TMEM87A: variants seen among roughly 807,000 people sequenced by gnomAD.
TMEM87A encodes Golgi-pH regulating cation channel.
TMEM87A carries 50 observed loss-of-function variants against 90.0 expected under a neutral mutation model. The ratio of observed to expected loss-of-function variants is 0.56; its 90% CI spans 0.44 to 0.70. TMEM87A has a LOEUF of 0.70. TMEM87A is among the 30% of genes least tolerant of loss of function. The pLI is 0.00. For missense variants in TMEM87A, 577 were observed against 660.5 expected (o/e 0.87, Z 1.39); for synonymous variants, 226 against 226.7 (o/e 1.00, Z 0.03).
In TMEM87A at chr15:42,228,788, T is replaced by C; in HGVS notation, c.1164A>G (p.Leu388=). 3 of 1,605,478 alleles carry C rather than the reference T, an allele frequency of 1.9e-6. No individual in the cohort carries two copies. Among genetic ancestry groups the C allele is most frequent in the South Asian group, 2.2e-5 (2 of 89,022 alleles). The change falls in exon 13 of 20, where the codon CTA becomes CTG. Residue 388 remains leucine, a synonymous_variant. Coordinates refer to ENST00000389834, the MANE Select transcript of TMEM87A (RefSeq NM_015497.5). Reference sequence around the variant, plus strand: ...TTACAATGTTCCTCCGAAGTTTTAATAGCTTCATTGTTTGAGTCAGGCTAA... The same window carrying C: ...TTACAATGTTCCTCCGAAGTTTTAACAGCTTCATTGTTTGAGTCAGGCTAA... The part of the protein sequence containing the change: ...IFISLTQTMK[L]LKLRRNIVKL...
chr15:42,237,694 CTTTTT>C (rs66512609), intron 8 of TMEM87A, 79 bp from the exon 9 acceptor site: 2 of 789,052 alleles, frequency 2.5e-6, no homozygotes, highest in African/African-American at 1.9e-5. Flanking sequence ...TCAATATATA[CTTTTT>C]TTTTTTTTTT....
intron 2 of TMEM87A, 125 bp downstream of exon 2, chr15:42,271,937 TA>T: frequency 1.3e-6 from 1 of 773,622 alleles, no homozygotes; most frequent in Non-Finnish European, 2.0e-6. Flanking sequence ...TTAGTAATAC[TA>T]AAAATATTTA....
Position 42,211,961 on chromosome 15 carries a change from C to T in TMEM87A, c.1627-212G>A, listed in dbSNP as rs148614920. 6.3e-3 allele frequency among the ~76,000 whole-genome samples: 966 copies of T among 152,252 alleles called. 28 individuals carry two copies. The highest frequency in any genetic ancestry group is 4.0e-3 in the Non-Finnish European group (269 of 68,016). ...CAACTAAATCAAAAGCTCTAGGCTT[C>T]TGGACAGAAAATCAGCACTCAGAAG... On this transcript the variant is annotated intron_variant, in intron 19 of 19. Coordinates refer to ENST00000389834, the MANE Select transcript of TMEM87A (RefSeq NM_015497.5).
chr15:42,261,279 A>T, intron 4 of TMEM87A, 30 bp from the exon 5 acceptor site: 2 of 1,595,184 alleles, frequency 1.3e-6, no homozygotes, highest in Non-Finnish European at 1.7e-6. Context: ...CAAAACATTA[A>T]AGGTGTGTAA....
In TMEM87A at chr15:42,211,463, G is replaced by A; in HGVS notation, c.*245C>T. On this transcript the variant is annotated 3_prime_UTR_variant, in exon 20 of 20. Transcript: ENST00000389834. ...TGCATGAACATCCATGTCAGAGTCT[G>A]GGAGGAAAGGGGGCAGCAGTGTTGT... 1 of 413,660 alleles carries A rather than the reference G, an allele frequency of 2.4e-6. No individual in the cohort carries two copies. The highest frequency in any genetic ancestry group is 4.3e-6 in the Non-Finnish European group (1 of 230,420). The allele number at this position is 413,660 out of a possible 1,614,324, so 25.6% of individuals were successfully genotyped here. A position where few individuals can be genotyped will look rare whatever the true frequency, so the allele number is the denominator to read the frequency against.
At chr15:42,254,330 T>A (rs2051138365) in intron 6 of TMEM87A, among the ~76,000 whole-genome samples, 3 of 152,226 alleles carry the variant, frequency 2.0e-5, no homozygotes, top group Admixed American at 2.0e-4. Context: ...ACTCTTACCA[T>A]ACAATCTAGC....
chr15:42,251,321 G>A (rs2051081404), intron 6 of TMEM87A, among the ~76,000 whole-genome samples: 1 of 152,196 alleles, frequency 6.6e-6, no homozygotes, highest in South Asian at 2.1e-4. Flanking sequence ...GAGAAGAGAT[G>A]CTGTGGTTTT....
intron 14 of TMEM87A, 188 bp from the exon 15 acceptor site, chr15:42,227,097 A>T (rs2050609621): frequency 1.7e-6 from 1 of 575,156 alleles, no homozygotes. Context: ...TTGCCCTTGT[A>T]GTGCTTACTG....
At chr15:42,247,927 G>A (rs1595733345) in intron 6 of TMEM87A, among the ~76,000 whole-genome samples, 1 of 152,150 alleles carries the variant, frequency 6.6e-6, no homozygotes, top group Non-Finnish European at 1.5e-5. Context: ...AGCATGGAAT[G>A]TTCTTCCATT....
chr15:42,212,841 T>C (rs529569044), intron 19 of TMEM87A, among the ~76,000 whole-genome samples: 3 of 152,292 alleles, frequency 2.0e-5, no homozygotes, highest in African/African-American at 7.2e-5. Flanking sequence ...ATCATGTAAA[T>C]TGTTTCTCCT....
intron 19 of TMEM87A, among the ~76,000 whole-genome samples, chr15:42,215,447 G>A (rs546665897): frequency 1.3e-5 from 2 of 152,326 alleles, no homozygotes; most frequent in South Asian, 4.1e-4. Flanking sequence ...TGGGACCACT[G>A]TCATATATGT....
intron 13 of TMEM87A, among the ~76,000 whole-genome samples, 184 bp downstream of exon 13, chr15:42,228,528 A>T (rs1262706781): frequency 6.6e-6 from 1 of 152,240 alleles, no homozygotes; most frequent in Non-Finnish European, 1.5e-5. Flanking sequence ...GCTACTGTAC[A>T]TAAAATAAAT....
Position 42,219,557 on chromosome 15 carries a change from GACAAAT to G in TMEM87A, c.1539+18_1539+23del. The G allele has an allele frequency of 6.4e-7, 1 of 1,570,680 alleles. No individual in the cohort carries two copies. Among genetic ancestry groups the G allele is most frequent in the South Asian group, 1.2e-5 (1 of 85,306 alleles). On this transcript the variant is annotated intron_variant, in intron 17 of 19. Transcript: ENST00000389834. ...GTTGGAAGATGGGACAAAGAACAAAGACAAATGGAAAAGTCATACTTACTGCTTTGT... is the reference window on the plus strand; with the variant it reads ...GTTGGAAGATGGGACAAAGAACAAAGGGAAAAGTCATACTTACTGCTTTGT...
At chr15:42,256,806 C>A (rs2051193243) in intron 6 of TMEM87A, among the ~76,000 whole-genome samples, 2 of 152,284 alleles carry the variant, frequency 1.3e-5, no homozygotes, top group African/African-American at 4.8e-5. Flanking sequence ...CAACCTCTGC[C>A]TCCCAGACTC....
chr15:42,268,972 T>C (rs78685235), intron 2 of TMEM87A, among the ~76,000 whole-genome samples: 3 of 152,032 alleles, frequency 2.0e-5, no homozygotes, highest in Non-Finnish European at 4.4e-5. Flanking sequence ...AACATGGCTG[T>C]GGAAGGTAGA....
chr15:42,220,833 C>A (rs922470533), intron 15 of TMEM87A, among the ~76,000 whole-genome samples: 2 of 151,964 alleles, frequency 1.3e-5, no homozygotes, highest in East Asian at 3.9e-4. Flanking sequence ...GCTCTGTCGC[C>A]CAGGCTGGAG....
At chr15:42,271,313 G>A (rs186163424) in intron 2 of TMEM87A, among the ~76,000 whole-genome samples, 6 of 152,232 alleles carry the variant, frequency 3.9e-5, no homozygotes, top group East Asian at 1.9e-4. Flanking sequence ...CACAGCCAAC[G>A]GCCTGACAAA....
At chr15:42,252,712 GT>G (rs768805340) in intron 6 of TMEM87A, among the ~76,000 whole-genome samples, 17 of 151,750 alleles carry the variant, frequency 1.1e-4, no homozygotes, top group African/African-American at 4.1e-4. Flanking sequence ...TTCATCCATG[GT>G]TTTTTTATTT....
Position 42,263,990 on chromosome 15 carries a change from CA to C in TMEM87A, c.405+99del. ...AGAACATGCTTCCACTTACTTCTGCCAAAAGAAATACTTGAGAAGTCGGAAG... is the reference window on the plus strand; with the variant it reads ...AGAACATGCTTCCACTTACTTCTGCCAAAGAAATACTTGAGAAGTCGGAAG... On this transcript the variant is annotated intron_variant, in intron 4 of 19. Transcript: ENST00000389834. 3.5e-6 allele frequency: 3 copies of C among 847,550 alleles called. No individual in the cohort carries two copies. The South Asian group carries it at 4.9e-5, about 14-fold the overall frequency. The allele number at this position is 847,550 out of a possible 1,614,324, so 52.5% of individuals were successfully genotyped here. A position where few individuals can be genotyped will look rare whatever the true frequency, so the allele number is the denominator to read the frequency against.
Sources: gnomAD v4.1 joint callset for allele counts (sites outside exome capture counted in the v4.1 genomes callset) on GRCh38, gnomAD v4.1.1 for gene constraint, MANE v1.5 for transcripts, NCBI Gene and HGNC (gene_info 2026-07-23, HGNC 2026-07-21) for gene names.